VIT: variants seen among roughly 807,000 people sequenced by gnomAD.
VIT encodes the protein vitrin.
In VIT, 99 loss-of-function variants were observed where a neutral mutation model predicts 78.0. That is an observed-to-expected ratio of 1.27 (90% confidence interval 1.08 to 1.50). VIT has a LOEUF of 1.50. Among genes scored for constraint, VIT ranks in the 40% most tolerant of loss-of-function variants. VIT has a pLI of 0.00. For synonymous variants in VIT, 374 were observed against 334.3 expected, an observed-to-expected ratio of 1.12 and a Z score of -1.29; for missense variants, 1,126 against 875.3, an observed-to-expected ratio of 1.29 and a Z score of -3.61.
At chr2:36,767,745 T>C (rs1481279796) in intron 7 of VIT, among the ~76,000 whole-genome samples, 2 of 152,182 alleles carry the variant, frequency 1.3e-5, no homozygotes, top group African/African-American at 4.8e-5. Flanking sequence ...ATTGCTCAAA[T>C]CATGTTGAAG....
chr2:36,707,593 C>T (rs12469190), intron 1 of VIT, among the ~76,000 whole-genome samples: 2 of 151,876 alleles, frequency 1.3e-5, no homozygotes, highest in Non-Finnish European at 2.9e-5. Flanking sequence ...TGGGATCTGC[C>T]CGGGAGCTGT....
chr2:36,703,645 G>C (rs9308994), intron 1 of VIT, among the ~76,000 whole-genome samples: 127,408 of 152,176 alleles, frequency 0.84, 53,942 homozygotes, highest in Middle Eastern at 0.95. Flanking sequence ...TATGACGCTT[G>C]AAAAATCACT....
At chr2:36,746,506 T>C (rs1047296813) in intron 4 of VIT, among the ~76,000 whole-genome samples, 1 of 152,008 alleles carries the variant, frequency 6.6e-6, no homozygotes, top group African/African-American at 2.4e-5. Flanking sequence ...TGTTTAGGAT[T>C]TTCTTTCTAG....
At chr2:36,771,849 G>T (rs900897975) in intron 7 of VIT, among the ~76,000 whole-genome samples, 1 of 152,180 alleles carries the variant, frequency 6.6e-6, no homozygotes, top group Non-Finnish European at 1.5e-5. Context: ...TGTGCGCTTA[G>T]TGCCACAAGA....
At chr2:36,794,144 A>G (rs141428643) in intron 12 of VIT, among the ~76,000 whole-genome samples, 6 of 152,344 alleles carry the variant, frequency 3.9e-5, no homozygotes, top group Non-Finnish European at 8.8e-5. Context: ...AAACCCTTGC[A>G]GCGTAGCCAT....
chr2:36,714,214 T>A (rs1665985314), intron 1 of VIT, among the ~76,000 whole-genome samples: 1 of 152,218 alleles, frequency 6.6e-6, no homozygotes, highest in African/African-American at 2.4e-5. Flanking sequence ...TTGCATTGAG[T>A]ACTTGTATAT....
chr2:36,781,970 A>G (rs1664791360), intron 10 of VIT, among the ~76,000 whole-genome samples, 199 bp downstream of exon 10: 2 of 152,112 alleles, frequency 1.3e-5, no homozygotes, highest in African/African-American at 4.8e-5. Context: ...GTAAGGGGCA[A>G]TATTGGATAA....
At position 36,814,636 on chromosome 2, in the gene VIT, C is replaced by A; in HGVS notation, c.*275C>A. 2.5e-6 allele frequency: 1 copy of A among 407,398 alleles called. No homozygotes were observed. Among genetic ancestry groups the A allele is most frequent in the Non-Finnish European group, 4.4e-6 (1 of 228,236 alleles). The allele number at this position is 407,398 out of a possible 1,614,324, so 25.2% of individuals were successfully genotyped here. A position where few individuals can be genotyped will look rare whatever the true frequency, so the allele number is the denominator to read the frequency against. ...GACAATTGTTTTCAAAATAAATGTTCGGAATACAGTGCAGCCCTTACGACA... is the reference window on the plus strand; with the variant it reads ...GACAATTGTTTTCAAAATAAATGTTAGGAATACAGTGCAGCCCTTACGACA... On this transcript the variant is annotated 3_prime_UTR_variant, in exon 16 of 16. Coordinates refer to ENST00000379242, the MANE Select transcript of VIT (RefSeq NM_053276.4).
chr2:36,743,356 A>T (rs1020101723), intron 4 of VIT, 100 bp downstream of exon 4: 2 of 1,251,704 alleles, frequency 1.6e-6, no homozygotes, highest in Admixed American at 2.6e-5. Flanking sequence ...AAATATACAA[A>T]TATTTTTTAG....
rs754877091 is a variant in VIT, at chr2:36,773,830, G to C, written c.719G>C (p.Arg240Thr). Residue 240 changes from arginine to threonine, a missense_variant, in exon 8 of 16, where the codon AGG becomes ACG. Arg to Thr is a moderately conservative substitution (Grantham distance 71). Transcript: ENST00000379242. ...STATYTSSQN[R>T]PRADPGIQRQ... ...GCCACCTACACAAGCAGCCAAAACA[G>C]GCCCAGAGCTGATCCAGGTAAGACC... 19 of 1,602,684 alleles carry C rather than the reference G, an allele frequency of 1.2e-5. No individual in the cohort carries two copies. The highest frequency in any genetic ancestry group is 1.4e-5 in the Non-Finnish European group (17 of 1,173,346).
chr2:36,729,782 A>C (rs551130131), intron 3 of VIT, among the ~76,000 whole-genome samples: 1 of 152,302 alleles, frequency 6.6e-6, no homozygotes, highest in East Asian at 1.9e-4. Flanking sequence ...AAGCGGAAAA[A>C]GCTTAGCCCT....
At chr2:36,779,278 T>G (rs747095964) in intron 9 of VIT, among the ~76,000 whole-genome samples, 3 of 152,188 alleles carry the variant, frequency 2.0e-5, no homozygotes, top group Non-Finnish European at 4.4e-5. Flanking sequence ...CCACTCCCTG[T>G]GCATGAGTTT....
Position 36,786,192 on chromosome 2 carries a change from T to G in VIT, c.911-937T>G, listed in dbSNP as rs1340095118. Among the ~76,000 whole-genome samples the G allele has an allele frequency of 2.6e-5, 4 of 152,266 alleles. No homozygotes were observed. The East Asian group carries it at 7.7e-4, about 29-fold the overall frequency. ...CTTTTTTTTTTTTCCTATATGGAGCTCTGTTTTGAAACATTTTTGTCTTCT... is the reference window on the plus strand; with the variant it reads ...CTTTTTTTTTTTTCCTATATGGAGCGCTGTTTTGAAACATTTTTGTCTTCT... On this transcript the variant is annotated intron_variant, in intron 11 of 15. Coordinates refer to ENST00000379242, the MANE Select transcript of VIT (RefSeq NM_053276.4).
intron 1 of VIT, among the ~76,000 whole-genome samples, chr2:36,707,860 GAA>G (rs11362905): frequency 8.9e-4 from 126 of 141,198 alleles, no homozygotes; most frequent in East Asian, 5.1e-3. Flanking sequence ...ATTTCTTTAG[GAA>G]AAAAAAAAAA....
intron 15 of VIT, among the ~76,000 whole-genome samples, chr2:36,813,715 C>T (rs1667359517): frequency 6.6e-6 from 1 of 152,124 alleles, no homozygotes; most frequent in Admixed American, 6.6e-5. Context: ...GATCTTGAAC[C>T]AGCTTTTGAT....
chr2:36,723,261 A>G (rs1040096614), intron 2 of VIT, among the ~76,000 whole-genome samples: 2 of 152,166 alleles, frequency 1.3e-5, no homozygotes, highest in Admixed American at 6.5e-5. Context: ...ATCCATTAGA[A>G]ATAATGCTCT....
At chr2:36,744,410 A>C (rs1273324496) in intron 4 of VIT, among the ~76,000 whole-genome samples, 4 of 152,222 alleles carry the variant, frequency 2.6e-5, no homozygotes, top group Non-Finnish European at 4.4e-5. Flanking sequence ...ACTGCTCTCC[A>C]CATTGGCTGA....
intron 6 of VIT, among the ~76,000 whole-genome samples, chr2:36,765,625 C>T (rs991698011): frequency 5.9e-5 from 9 of 152,150 alleles, no homozygotes; most frequent in African/African-American, 2.2e-4. Context: ...CGGACCCAAA[C>T]CATATCAGAG....
intron 12 of VIT, among the ~76,000 whole-genome samples, chr2:36,792,424 G>A (rs1025090416): frequency 1.3e-5 from 2 of 152,134 alleles, no homozygotes; most frequent in African/African-American, 4.8e-5. Flanking sequence ...TCCCTATCAT[G>A]CAGGGCTCCT....
Sources: allele counts gnomAD v4.1 joint callset (sites outside exome capture counted in the v4.1 genomes callset), GRCh38; gene constraint gnomAD v4.1.1; transcripts MANE v1.5; gene names NCBI Gene and HGNC (gene_info 2026-07-23, HGNC 2026-07-21).